MTPAP: variants seen among roughly 807,000 people sequenced by gnomAD.
MTPAP encodes the protein poly(A) RNA polymerase, mitochondrial.
A neutral mutation model predicts 48.7 loss-of-function variants in MTPAP; 23 were observed. That is an observed-to-expected ratio of 0.47 (90% CI 0.34 to 0.67). The LOEUF (loss-of-function observed/expected upper bound fraction) is 0.67. Ranked by LOEUF, MTPAP falls within the 30% of genes least tolerant of loss-of-function variation. MTPAP has a pLI of 0.01. For missense variants in MTPAP, 614 were observed against 694.3 expected, an observed-to-expected ratio of 0.88 and a Z score of 1.30; for synonymous variants, 257 against 254.1, an observed-to-expected ratio of 1.01 and a Z score of -0.11.
At position 30,317,802 on chromosome 10, in the gene MTPAP, A is replaced by G. The variant is rs573654233; in HGVS notation, c.1220-1592T>C. ...ACTCCCCACCACCGACCTGCCCCCA[A>G]TGAGCATCTAGCATATAGCAGGTAT... On this transcript the variant is annotated intron_variant, in intron 6 of 8. Coordinates refer to ENST00000263063, the MANE Select transcript of MTPAP (RefSeq NM_018109.4). Among the ~76,000 whole-genome samples the G allele has an allele frequency of 1.6e-4, 25 of 152,254 alleles. 1 individual carries two copies. Among genetic ancestry groups the G allele is most frequent in the Middle Eastern group, 6.8e-3 (2 of 294 alleles).
chr10:30,329,269 C>T (rs188568359), intron 4 of MTPAP, among the ~76,000 whole-genome samples: 90 of 151,970 alleles, frequency 5.9e-4, no homozygotes, highest in African/African-American at 2.1e-3. Context: ...CACTCTGCCA[C>T]CCAGGCTGAA....
In MTPAP at chr10:30,313,068, G is replaced by C. The variant is rs1339730109; in HGVS notation, c.*541C>G. 6.5e-6 allele frequency: 1 copy of C among 154,902 alleles called. No individual in the cohort carries two copies. Among genetic ancestry groups the C allele is most frequent in the Non-Finnish European group, 1.4e-5 (1 of 69,850 alleles). 9.6% of individuals were successfully genotyped at this position (154,902 alleles called of 1,614,324 possible). On this transcript the variant is annotated 3_prime_UTR_variant, in exon 9 of 9. Coordinates refer to ENST00000263063, the MANE Select transcript of MTPAP (RefSeq NM_018109.4). Reference sequence around the variant, plus strand: ...ATATTCGAGAGCACTACCAAATTTTGAAGCTTAATGTATTCATTGCCAACG... The same window carrying C: ...ATATTCGAGAGCACTACCAAATTTTCAAGCTTAATGTATTCATTGCCAACG...
At chr10:30,325,617 G>C (rs1231902242) in intron 5 of MTPAP, among the ~76,000 whole-genome samples, 1 of 152,064 alleles carries the variant, frequency 6.6e-6, no homozygotes, top group African/African-American at 2.4e-5. Context: ...GTGATGGCAT[G>C]CATCTACAAT....
At chr10:30,327,591 A>G (rs1252597217) in intron 4 of MTPAP, among the ~76,000 whole-genome samples, 1 of 152,000 alleles carries the variant, frequency 6.6e-6, no homozygotes, top group Non-Finnish European at 1.5e-5. Context: ...CATGCCTGCA[A>G]TCTCAGCACT....
intron 6 of MTPAP, among the ~76,000 whole-genome samples, chr10:30,317,524 C>T (rs946986217): frequency 6.6e-6 from 1 of 152,166 alleles, no homozygotes; most frequent in African/African-American, 2.4e-5. Context: ...TATACAACCA[C>T]CATGAAATCC....
At chr10:30,330,624 C>CCATG (rs1306005085) in intron 4 of MTPAP, among the ~76,000 whole-genome samples, 1 of 152,184 alleles carries the variant, frequency 6.6e-6, no homozygotes, top group African/African-American at 2.4e-5. Flanking sequence ...GAACTGTGAA[C>CCATG]CATGAGCAGG....
chr10:30,314,104 CAG>C, intron 8 of MTPAP, 133 bp from the exon 9 acceptor site: 1 of 1,105,662 alleles, frequency 9.0e-7, no homozygotes, highest in South Asian at 1.4e-5. Context: ...ATTTCTTTCT[CAG>C]GGGATTGAGT....
In MTPAP at chr10:30,323,128, CAAAAAAAAAA is replaced by C. The variant is rs201987154; in HGVS notation, c.993-521_993-512del. 4.3e-4 allele frequency among the ~76,000 whole-genome samples: 37 copies of C among 86,522 alleles called. No homozygotes were observed. The East Asian group carries it at 7.2e-3, about 17-fold the overall frequency. The allele number at this position is 86,522 out of a possible 152,430, so 56.8% of individuals were successfully genotyped here. ...TGGGAGACAGAGCAAGACTCCGTTT[CAAAAAAAAAA>C]AAAAAAAAAAAAGAAAGAAAATGTA... On this transcript the variant is annotated intron_variant, in intron 5 of 8. Transcript: ENST00000263063.
intron 1 of MTPAP, among the ~76,000 whole-genome samples, chr10:30,347,267 G>A (rs1164370752): frequency 6.6e-6 from 1 of 152,170 alleles, no homozygotes; most frequent in Non-Finnish European, 1.5e-5. Flanking sequence ...AACCATTAGA[G>A]GCTGACCAAA....
intron 3 of MTPAP, among the ~76,000 whole-genome samples, chr10:30,338,618 T>C (rs980377668): frequency 1.4e-4 from 21 of 152,006 alleles, no homozygotes; most frequent in African/African-American, 4.8e-4. Flanking sequence ...GAGGTTGCAG[T>C]GAGCCACGAT....
Position 30,314,100 on chromosome 10 carries a change from T to G in MTPAP, c.1387-129A>C, listed in dbSNP as rs529642580. 2.3e-4 allele frequency: 262 copies of G among 1,127,828 alleles called. 6 individuals are homozygous for G. In the South Asian group the frequency reaches 3.3e-3, roughly 14 times the overall value. 69.9% of individuals were successfully genotyped at this position (1,127,828 alleles called of 1,614,324 possible). On this transcript the variant is annotated intron_variant, in intron 8 of 8. Coordinates refer to ENST00000263063, the MANE Select transcript of MTPAP (RefSeq NM_018109.4). ...TAACTTTACATAGCAAAGAATTTCT[T>G]TCTCAGGGGATTGAGTATGTATGCA...
intron 5 of MTPAP, among the ~76,000 whole-genome samples, chr10:30,324,157 T>TGGCGACAGAGTAA (rs141781366): frequency 0.079 from 11,983 of 151,988 alleles, 1,565 homozygotes; most frequent in African/African-American, 0.27. Flanking sequence ...GCTTCAGTCT[T>TGGCGACAGAGTAA]GGCGACAGAG....
chr10:30,311,711 A>C lies in MTPAP; in HGVS notation c.*1898T>G, dbSNP rs1030164554. The C allele has an allele frequency of 6.6e-6, 1 of 152,350 alleles. No homozygotes were observed. The highest frequency in any genetic ancestry group is 2.4e-5 in the African/African-American group (1 of 41,442). 9.4% of individuals were successfully genotyped at this position (152,350 alleles called of 1,614,324 possible). A position where few individuals can be genotyped will look rare whatever the true frequency, so the allele number is the denominator to read the frequency against. On this transcript the variant is annotated 3_prime_UTR_variant, in exon 9 of 9. Coordinates refer to ENST00000263063, the MANE Select transcript of MTPAP (RefSeq NM_018109.4). ...TGAGAGAGTCTCACTGTCGCCCAGG[A>C]TGGAGTACAGTGCTGTGATCTCAGC...
At chr10:30,346,837 A>T (rs1007769798) in intron 1 of MTPAP, among the ~76,000 whole-genome samples, 3 of 152,128 alleles carry the variant, frequency 2.0e-5, no homozygotes, top group African/African-American at 7.2e-5. Context: ...CTTCATCCAA[A>T]GGGTGGGCAT....
In MTPAP at chr10:30,326,608, G is replaced by C. The variant is rs374992087; in HGVS notation, c.808C>G (p.Gln270Glu). 63 of 1,613,730 alleles carry C rather than the reference G, an allele frequency of 3.9e-5. No homozygotes were observed. Among genetic ancestry groups the C allele is most frequent in the Non-Finnish European group, 4.7e-5 (55 of 1,179,818 alleles). The change falls in exon 5 of 9, where the codon CAA (glutamine) becomes GAA (glutamate). Residue 270 changes from glutamine to glutamate, a missense_variant. By Grantham distance (29) the Gln-to-Glu change is conservative. Transcript: ENST00000263063. ...KISGNFLMEF[Q>E]VKNVPSERIA... ...CTTTCTGAAGGAACATTTTTCACTT[G>C]AAATTCCATCAGAAAATTTCCTGAG... is the stretch of plus-strand genomic sequence containing the variant.
chr10:30,332,042 GAA>G (rs1794361654), intron 4 of MTPAP, among the ~76,000 whole-genome samples: 2 of 152,200 alleles, frequency 1.3e-5, no homozygotes. Flanking sequence ...GGTGTAGTGT[GAA>G]AAGATATCAA....
chr10:30,326,634 A>T lies in MTPAP; in HGVS notation c.782T>A (p.Ile261Asn). The T allele has an allele frequency of 1.2e-6, 2 of 1,611,220 alleles. No homozygotes were observed. Among genetic ancestry groups the T allele is most frequent in the Non-Finnish European group, 1.7e-6 (2 of 1,177,302 alleles). ...DETRNLSAHK[I>N]SGNFLMEFQV... The stretch of plus-strand genomic sequence containing the variant: ...AAATTCCATCAGAAAATTTCCTGAG[A>T]TCTGAAAAATAAACACATTTCTAAA... The change falls in exon 5 of 9, where the codon ATC becomes AAC. Residue 261 changes from isoleucine to asparagine, a missense_variant and splice_region_variant. Physicochemically the swap from Ile to Asn is moderately radical, Grantham distance 149. Transcript: ENST00000263063.
chr10:30,331,913 C>T (rs924544743), intron 4 of MTPAP, among the ~76,000 whole-genome samples: 2 of 152,144 alleles, frequency 1.3e-5, no homozygotes, highest in African/African-American at 4.8e-5. Flanking sequence ...TAGTCCCTAT[C>T]GTGCATGGGA....
chr10:30,332,159 T>C (rs982662466), intron 4 of MTPAP, among the ~76,000 whole-genome samples: 2 of 152,246 alleles, frequency 1.3e-5, no homozygotes, highest in South Asian at 4.1e-4. Context: ...TTGTATTTTA[T>C]TTTTAATATT....
Sources: gnomAD v4.1 joint callset for allele counts (sites outside exome capture counted in the v4.1 genomes callset) on GRCh38, gnomAD v4.1.1 for gene constraint, MANE v1.5 for transcripts, NCBI Gene and HGNC (gene_info 2026-07-23, HGNC 2026-07-21) for gene names.